MTBP: variants seen among roughly 807,000 people sequenced by gnomAD.
MTBP encodes the protein mdm2-binding protein.
Under a neutral mutation model 117.0 loss-of-function variants are expected in MTBP, and 101 were observed. The observed-to-expected ratio is 0.86, with a 90% confidence interval of 0.73 to 1.02. The LOEUF (loss-of-function observed/expected upper bound fraction) is 1.02, where lower values mean the gene tolerates loss of function less well. Among genes scored for constraint, MTBP ranks in the 50% least tolerant of loss-of-function variants. MTBP has a pLI of 0.00. For missense variants in MTBP, 970 were observed against 1,030.9 expected, an observed-to-expected ratio of 0.94 and a Z score of 0.81; for synonymous variants, 350 against 351.5, an observed-to-expected ratio of 1.00 and a Z score of 0.05.
intron 11 of MTBP, chr8:120,471,954 C>T (rs980579772): frequency 6.6e-6 from 1 of 152,134 alleles, no homozygotes; most frequent in African/African-American, 2.4e-5. Flanking sequence ...GTGATTCTGG[C>T]TTAGAATGTT....
chr8:120,450,042 AAAG>A (rs1368437775), intron 2 of MTBP, among the ~76,000 whole-genome samples: 1 of 152,088 alleles, frequency 6.6e-6, no homozygotes, highest in Admixed American at 6.5e-5. Context: ...TTTTTTTAAA[AAAG>A]AAATACTTTG....
In MTBP at chr8:120,517,969, T is replaced by G; in HGVS notation, c.2365T>G (p.Cys789Gly). 1 of 1,612,840 alleles carries G rather than the reference T, an allele frequency of 6.2e-7. No homozygotes were observed. Among genetic ancestry groups the G allele is most frequent in the Non-Finnish European group, 8.5e-7 (1 of 1,179,150 alleles). Residue 789 changes from cysteine to glycine, a missense_variant, in exon 19 of 22, where the codon TGT becomes GGT. Coordinates refer to ENST00000305949, the MANE Select transcript of MTBP (RefSeq NM_022045.5). ...PQTERSLPVT[C>G]PLVPIPSCET... ...AACAGAACGGTCCTTACCAGTGACT[T>G]GTCCATTGGTTCCAATTCCTAGCTG... is the stretch of plus-strand genomic sequence containing the variant.
intron 14 of MTBP, among the ~76,000 whole-genome samples, chr8:120,501,505 C>T (rs1814586254): frequency 6.7e-6 from 1 of 150,110 alleles, no homozygotes; most frequent in Non-Finnish European, 1.5e-5. Context: ...GCTGAGATCA[C>T]ACCACTGCAC....
In MTBP at chr8:120,516,078, G is replaced by T; in HGVS notation, c.2133G>T (p.Ser711=). ...VLSPLPSPVV[S]SDPGSVPDGE... ...GCCCTCTTCCATCTCCTGTAGTTTC[G>T]TCAGATCCTGGAAGTGTCCCTGACG... The change falls in exon 18 of 22, where the codon TCG becomes TCT. Residue 711 remains serine, a synonymous_variant. Coordinates refer to ENST00000305949, the MANE Select transcript of MTBP (RefSeq NM_022045.5). The T allele has an allele frequency of 6.2e-7, 1 of 1,612,988 alleles. No individual in the cohort carries two copies. The highest frequency in any genetic ancestry group is 8.5e-7 in the Non-Finnish European group (1 of 1,179,254).
intron 11 of MTBP, among the ~76,000 whole-genome samples, chr8:120,483,690 T>C (rs775261368): frequency 2.0e-5 from 3 of 152,204 alleles, no homozygotes; most frequent in Non-Finnish European, 2.9e-5. Flanking sequence ...TCTGTAAACT[T>C]TGATGCAACT....
intron 11 of MTBP, among the ~76,000 whole-genome samples, chr8:120,480,235 C>CAAAAA (rs33996388): frequency 7.5e-6 from 1 of 132,506 alleles, no homozygotes; most frequent in East Asian, 2.1e-4. Flanking sequence ...CCCGTCTCTA[C>CAAAAA]AAAAAAAAAA....
At chr8:120,513,793 A>AATTTT (rs1164734379) in intron 17 of MTBP, among the ~76,000 whole-genome samples, 32 of 151,960 alleles carry the variant, frequency 2.1e-4, no homozygotes, top group African/African-American at 7.5e-4. Flanking sequence ...TCACATTTCC[A>AATTTT]ATTTTACTCT....
chr8:120,509,218 A>G (rs868438812), intron 16 of MTBP, among the ~76,000 whole-genome samples: 1 of 152,198 alleles, frequency 6.6e-6, no homozygotes, highest in Admixed American at 6.5e-5. Flanking sequence ...CCAAAGATTC[A>G]AGTTGACTTT....
chr8:120,467,512 G>A (rs1416006475), intron 10 of MTBP, among the ~76,000 whole-genome samples: 3 of 152,072 alleles, frequency 2.0e-5, no homozygotes, highest in Admixed American at 2.0e-4. Flanking sequence ...AGGCTGAGGC[G>A]GGAGAGTCAC....
At chr8:120,523,154 ATG>A in intron 21 of MTBP, 142 bp from the exon 22 acceptor site, 1 of 591,096 alleles carries the variant, frequency 1.7e-6, no homozygotes, top group Non-Finnish European at 3.0e-6. Flanking sequence ...AGAAAATAAA[ATG>A]TGTATTTAAG....
intron 18 of MTBP, 103 bp from the exon 19 acceptor site, chr8:120,517,748 T>C (rs1387936401): frequency 8.4e-7 from 1 of 1,194,520 alleles, no homozygotes; most frequent in East Asian, 2.4e-5. Flanking sequence ...AACTTCGATG[T>C]TGATTCACTT....
intron 9 of MTBP, 40 bp from the exon 10 acceptor site, chr8:120,463,652 A>G: frequency 1.4e-6 from 2 of 1,470,022 alleles, no homozygotes; most frequent in Non-Finnish European, 1.9e-6. Context: ...ACATTGTTTC[A>G]TGGGTACCAT....
At chr8:120,446,412 A>T (rs1365247395) in intron 1 of MTBP, 21 bp from the exon 2 acceptor site, 1 of 1,480,452 alleles carries the variant, frequency 6.8e-7, no homozygotes, top group South Asian at 1.1e-5. Context: ...CCTTTGAGTT[A>T]GTCTATCTTT....
chr8:120,490,445 T>A lies in MTBP; in HGVS notation c.1340-18T>A. ...AGGGCATCATTAATGTTGACCTTTT[T>A]TTTTTCTTATTTCTCAGGTTTTCCT... On this transcript the variant is annotated intron_variant, in intron 12 of 21. Coordinates refer to ENST00000305949, the MANE Select transcript of MTBP (RefSeq NM_022045.5). The A allele has an allele frequency of 6.6e-7, 1 of 1,518,480 alleles. No homozygotes were observed. Among genetic ancestry groups the A allele is most frequent in the Non-Finnish European group, 9.1e-7 (1 of 1,101,418 alleles). 94.1% of individuals were successfully genotyped at this position (1,518,480 alleles called of 1,614,324 possible).
At chr8:120,453,160 C>A (rs1813393997) in intron 4 of MTBP, among the ~76,000 whole-genome samples, 2 of 151,998 alleles carry the variant, frequency 1.3e-5, no homozygotes, top group South Asian at 2.1e-4. Flanking sequence ...TTTTAAGATT[C>A]AGAAAAATGG....
intron 12 of MTBP, 126 bp downstream of exon 12, chr8:120,488,458 T>G: frequency 1.5e-6 from 1 of 652,600 alleles, no homozygotes; most frequent in South Asian, 5.1e-5. Context: ...TCCATTCTCT[T>G]TCATTAATTT....
rs575004122 is a variant in MTBP, at chr8:120,463,783, T to G, written c.1047+22T>G. ...CAAGGTATTGAGGGTTTCTTGGGGG[T>G]TTTTTGTTTGTTTGTTTTTATACTT... On this transcript the variant is annotated intron_variant, in intron 10 of 21. Coordinates refer to ENST00000305949, the MANE Select transcript of MTBP (RefSeq NM_022045.5). The G allele has an allele frequency of 1.6e-4, 258 of 1,601,740 alleles. No individual in the cohort carries two copies. In the African/African-American group the frequency reaches 3.0e-3, roughly 19 times the overall value.
At chr8:120,458,913 G>A (rs1813525693) in intron 7 of MTBP, among the ~76,000 whole-genome samples, 1 of 151,388 alleles carries the variant, frequency 6.6e-6, no homozygotes, top group Non-Finnish European at 1.5e-5. Context: ...AGACTGGTAG[G>A]AAGCCAGATA....
chr8:120,478,774 G>T (rs766576768), intron 11 of MTBP, among the ~76,000 whole-genome samples: 6 of 152,076 alleles, frequency 3.9e-5, no homozygotes, highest in Non-Finnish European at 8.8e-5. Context: ...ATCAACAGTG[G>T]ATTGGATAAA....
Sources: gnomAD v4.1 joint callset for allele counts (sites outside exome capture counted in the v4.1 genomes callset) on GRCh38, gnomAD v4.1.1 for gene constraint, MANE v1.5 for transcripts, NCBI Gene and HGNC (gene_info 2026-07-23, HGNC 2026-07-21) for gene names.